SPTBN4: variants seen among roughly 807,000 people sequenced by gnomAD.
SPTBN4 encodes spectrin beta, non-erythrocytic 4, also known as spectrin beta chain, non-erythrocytic 4.
Under a neutral mutation model 277.8 loss-of-function variants are expected in SPTBN4, and 96 were observed. That is an observed-to-expected ratio of 0.35 (90% CI 0.29 to 0.41). The LOEUF is 0.41. Ranked by LOEUF, SPTBN4 falls within the 10% of genes least tolerant of loss-of-function variation. SPTBN4 has a pLI of 1.00. For missense variants in SPTBN4, 3,006 were observed against 3,595.7 expected (o/e 0.84, Z 4.19); for synonymous variants, 1,481 against 1,580.3 (o/e 0.94, Z 1.49).
At chr19:40,568,576 G>T (rs1021995879) in intron 31 of SPTBN4, among the ~76,000 whole-genome samples, 8 of 152,214 alleles carry the variant, frequency 5.3e-5, no homozygotes, top group Admixed American at 4.6e-4. Flanking sequence ...CGGGTGCCCC[G>T]AGGCAGGGAT....
At chr19:40,543,398 G>A (rs2080822547) in intron 20 of SPTBN4, among the ~76,000 whole-genome samples, 1 of 151,904 alleles carries the variant, frequency 6.6e-6, no homozygotes, top group African/African-American at 2.4e-5. Context: ...GGCCCCACTT[G>A]GGTCATGTGA....
chr19:40,518,843 C>G (rs1445533514), intron 15 of SPTBN4, among the ~76,000 whole-genome samples: 1 of 152,056 alleles, frequency 6.6e-6, no homozygotes, highest in Non-Finnish European at 1.5e-5. Flanking sequence ...CTTCAGTGTG[C>G]CATAAACGAG....
At position 40,477,057 on chromosome 19, in the gene SPTBN4, C is replaced by A. The variant is rs1388804592; in HGVS notation, c.169+4267C>A. ...TTATTATTATTATTATTATCATTATCATTATTATTATTTGGACTGCTGCCA... is the reference window on the plus strand; with the variant it reads ...TTATTATTATTATTATTATCATTATAATTATTATTATTTGGACTGCTGCCA... On this transcript the variant is annotated intron_variant, in intron 2 of 35. Coordinates refer to ENST00000598249, the MANE Select transcript of SPTBN4 (RefSeq NM_020971.3). 2.7e-5 allele frequency among the ~76,000 whole-genome samples: 4 copies of A among 147,578 alleles called. No individual in the cohort carries two copies. The South Asian group carries it at 6.6e-4, about 24-fold the overall frequency.
intron 14 of SPTBN4, among the ~76,000 whole-genome samples, chr19:40,514,348 T>A (rs545424169): frequency 6.6e-5 from 10 of 152,318 alleles, no homozygotes; most frequent in African/African-American, 2.4e-4. Flanking sequence ...AAAGTAGACC[T>A]CAGTGGCTGC....
chr19:40,527,493 T>C (rs2080606710), intron 17 of SPTBN4, among the ~76,000 whole-genome samples: 1 of 152,164 alleles, frequency 6.6e-6, no homozygotes, highest in Non-Finnish European at 1.5e-5. Flanking sequence ...ACGTGTTAGA[T>C]TGCGTTAAGT....
At chr19:40,492,053 C>G (rs955055430) in intron 4 of SPTBN4, among the ~76,000 whole-genome samples, 1 of 145,616 alleles carries the variant, frequency 6.9e-6, no homozygotes, top group African/African-American at 2.6e-5. Flanking sequence ...AAAAAAAAAA[C>G]AAAGAAAGAT....
chr19:40,509,108 C>T (rs567262313), intron 13 of SPTBN4, among the ~76,000 whole-genome samples: 1 of 122,618 alleles, frequency 8.2e-6, no homozygotes, highest in African/African-American at 3.2e-5. Flanking sequence ...TTTTTTTAGA[C>T]ACTTGATCTC....
At chr19:40,475,110 C>G (rs2079932705) in intron 2 of SPTBN4, among the ~76,000 whole-genome samples, 1 of 151,976 alleles carries the variant, frequency 6.6e-6, no homozygotes, top group Non-Finnish European at 1.5e-5. Flanking sequence ...GACCTTAGAC[C>G]TTTAGAACTG....
At position 40,560,306 on chromosome 19, in the gene SPTBN4, T is replaced by A. The variant is rs769503659; in HGVS notation, c.5818T>A (p.Ser1940Thr). 9 of 1,614,102 alleles carry A rather than the reference T, an allele frequency of 5.6e-6. No homozygotes were observed. The highest frequency in any genetic ancestry group is 5.0e-5 in the Admixed American group (3 of 60,034). Residue 1940 changes from serine (S) to threonine (T), a missense_variant, in exon 27 of 36, where the codon TCC becomes ACC. Around this residue, in one of 5 missense-constraint regions of SPTBN4, gnomAD observed 425 missense variants for 594.7 expected, o/e 0.71. Coordinates refer to ENST00000598249, the MANE Select transcript of SPTBN4 (RefSeq NM_020971.3). This position sits in a 1 kb window ranked among gnomAD's most constrained non-coding sequence, Gnocchi z 5.2. Reference sequence around the variant, plus strand: ...TGAGGATGCCCGCCTGCATGTCAGCTCCACAGCCGACGCCCTGCGCTTCCA... The same window carrying A: ...TGAGGATGCCCGCCTGCATGTCAGCACCACAGCCGACGCCCTGCGCTTCCA... ...ACEDARLHVS[S>T]TADALRFHSQ...
Position 40,534,691 on chromosome 19 carries a change from A to G in SPTBN4, c.4359+348A>G, listed in dbSNP as rs918464877. 5.7e-5 allele frequency: 15 copies of G among 265,482 alleles called. No homozygotes were observed. The East Asian group carries it at 1.1e-3, about 19-fold the overall frequency. The allele number at this position is 265,482 out of a possible 1,614,324, so 16.4% of individuals were successfully genotyped here. A position where few individuals can be genotyped will look rare whatever the true frequency, so the allele number is the denominator to read the frequency against. On this transcript the variant is annotated intron_variant, in intron 20 of 35. Coordinates refer to ENST00000598249, the MANE Select transcript of SPTBN4 (RefSeq NM_020971.3). ...GGGAATGGCTTTGCATGGAATAACA[A>G]TGACATTCATTGAGCATTTCTCTAC...
chr19:40,548,760 GTAA>G (rs1344402583), intron 20 of SPTBN4, among the ~76,000 whole-genome samples: 1 of 151,720 alleles, frequency 6.6e-6, no homozygotes, highest in Non-Finnish European at 1.5e-5. Flanking sequence ...ATATTTGATG[GTAA>G]TAATTTTGGA....
At chr19:40,469,355 C>T (rs1240068881) in intron 1 of SPTBN4, among the ~76,000 whole-genome samples, 2 of 152,046 alleles carry the variant, frequency 1.3e-5, no homozygotes, top group African/African-American at 4.8e-5. Flanking sequence ...ACCTTCGCCT[C>T]CCGGTTTCAA....
At position 40,572,107 on chromosome 19, in the gene SPTBN4, G is replaced by A. The variant is rs758012951; in HGVS notation, c.7408G>A (p.Gly2470Ser). 1.8e-5 allele frequency: 29 copies of A among 1,612,936 alleles called. No homozygotes were observed. In the South Asian group the frequency reaches 2.1e-4, roughly 12 times the overall value. ...SKGPASGSTH[G>S]GEPLLSLHKA... ...GGGCCCGGCATCCGGGAGCACACAC[G>A]GTGGGGAACCGCTGCTCAGCCTGCA... Residue 2470 changes from glycine (G) to serine (S), a missense_variant, in exon 34 of 36, where the codon GGT becomes AGT. Coordinates refer to ENST00000598249, the MANE Select transcript of SPTBN4 (RefSeq NM_020971.3).
At chr19:40,570,019 TAC>T (rs200635812) in intron 32 of SPTBN4, among the ~76,000 whole-genome samples, 1 of 113,338 alleles carries the variant, frequency 8.8e-6, no homozygotes, top group East Asian at 2.3e-4. Flanking sequence ...CAGACACAGA[TAC>T]ACACACAGAC....
chr19:40,526,151 T>C lies in SPTBN4; in HGVS notation c.3857+2512T>C, dbSNP rs371271050. On this transcript the variant is annotated intron_variant, in intron 17 of 35. Transcript: ENST00000598249. ...TGCCTGGCCCCTCACCTGGAACCTGTGTGTGAGGTGCTGTTCTTTTTTTTT... is the reference window on the plus strand; with the variant it reads ...TGCCTGGCCCCTCACCTGGAACCTGCGTGTGAGGTGCTGTTCTTTTTTTTT... Among the ~76,000 whole-genome samples, 13 of 149,102 alleles carry C rather than the reference T, an allele frequency of 8.7e-5. 1 individual carries two copies. The highest frequency in any genetic ancestry group is 3.2e-4 in the African/African-American group (13 of 40,460).
At chr19:40,548,602 C>G (rs1484931575) in intron 20 of SPTBN4, among the ~76,000 whole-genome samples, 2 of 151,882 alleles carry the variant, frequency 1.3e-5, no homozygotes, top group Non-Finnish European at 2.9e-5. Context: ...GTAATCCCAG[C>G]TACTCAGGAG....
chr19:40,472,824 G>T (rs772089704), intron 2 of SPTBN4, 34 bp downstream of exon 2: 1 of 1,479,256 alleles, frequency 6.8e-7, no homozygotes, highest in Non-Finnish European at 9.1e-7. Context: ...GGATGAGGAG[G>T]AGGGGGAAGG....
intron 2 of SPTBN4, among the ~76,000 whole-genome samples, chr19:40,473,863 C>G (rs1200091193): frequency 6.6e-6 from 1 of 151,756 alleles, no homozygotes; most frequent in East Asian, 1.9e-4. Context: ...GACCTCTGGC[C>G]TGGCGCGGTG....
At chr19:40,567,528 C>T in intron 30 of SPTBN4, 135 bp from the exon 31 acceptor site, 2 of 854,368 alleles carry the variant, frequency 2.3e-6, no homozygotes, top group Non-Finnish European at 3.4e-6. Context: ...TCGCACAGGC[C>T]TGGACACCTT....
Sources: gnomAD v4.1 joint callset for allele counts (sites outside exome capture counted in the v4.1 genomes callset) on GRCh38, gnomAD v4.1.1 for gene constraint, gnomAD v4.1.1 regional missense constraint, Gnocchi (gnomAD v3.1) non-coding constraint, MANE v1.5 for transcripts, NCBI Gene and HGNC (gene_info 2026-07-23, HGNC 2026-07-21) for gene names.